The following NLRP11 variants were observed in gnomAD, a reference collection of about 807,000 sequenced individuals.
NLRP11 encodes NACHT, LRR and PYD domains-containing protein 11.
A neutral mutation model predicts 79.3 loss-of-function variants in NLRP11; 53 were observed. The observed-to-expected ratio is 0.67, with a 90% confidence interval of 0.54 to 0.84. The LOEUF (loss-of-function observed/expected upper bound fraction) is 0.84. Ranked by LOEUF, NLRP11 falls within the 40% of genes least tolerant of loss-of-function variation. The probability of loss-of-function intolerance (pLI) is 0.00; values close to 1 mark genes in which losing one functional copy is unlikely to be tolerated. For missense variants in NLRP11, 1,264 were observed against 1,255.0 expected, an observed-to-expected ratio of 1.01 and a Z score of -0.11; for synonymous variants, 518 against 462.6, an observed-to-expected ratio of 1.12 and a Z score of -1.54.
chr19:55,785,493 TCACACACACACA>T lies in NLRP11; in HGVS notation c.*120_*131del, dbSNP rs878891245. 2.8e-3 allele frequency: 1,172 copies of T among 424,460 alleles called. 5 individuals carry two copies. Among genetic ancestry groups the T allele is most frequent in the African/African-American group, 0.011 (512 of 46,908 alleles). 26.3% of individuals were successfully genotyped at this position (424,460 alleles called of 1,614,324 possible). A position where few individuals can be genotyped will look rare whatever the true frequency, so the allele number is the denominator to read the frequency against. The stretch of plus-strand genomic sequence containing the variant: ...TTTGAAGTGGTTGACTGGATCAAGG[TCACACACACACA>T]CACACACACACACACACACACACAC... On this transcript the variant is annotated 3_prime_UTR_variant, in exon 10 of 10. Transcript: ENST00000589093.
intron 9 of NLRP11, among the ~76,000 whole-genome samples, chr19:55,787,970 T>C (rs1989986379): frequency 6.6e-6 from 1 of 152,162 alleles, no homozygotes; most frequent in Admixed American, 6.5e-5. Flanking sequence ...GGATGACATC[T>C]TGGCTGCAGC....
intron 1 of NLRP11, among the ~76,000 whole-genome samples, chr19:55,829,025 A>G (rs1422451720): frequency 6.6e-6 from 1 of 152,190 alleles, no homozygotes; most frequent in Non-Finnish European, 1.5e-5. Context: ...ACACGTATAT[A>G]CAAAATTAGC....
At chr19:55,785,613 C>A (rs535635252) in exon 10 of NLRP11, 2 of 1,604,394 alleles carry the variant, frequency 1.2e-6, no homozygotes, top group East Asian at 4.5e-5. Flanking sequence ...ATACTGTTTA[C>A]GTACAACATG....
At chr19:55,830,446 G>C (rs1468663177) in intron 1 of NLRP11, among the ~76,000 whole-genome samples, 1 of 151,900 alleles carries the variant, frequency 6.6e-6, no homozygotes, top group Non-Finnish European at 1.5e-5. Context: ...GTTCTTTAAG[G>C]TATGATTTTT....
intron 7 of NLRP11, among the ~76,000 whole-genome samples, chr19:55,790,680 A>C (rs760260494): frequency 1.3e-5 from 2 of 152,208 alleles, no homozygotes; most frequent in Admixed American, 6.5e-5. Context: ...TTTAGTAGTT[A>C]TAAAAGTTGG....
Position 55,809,094 on chromosome 19 carries a change from T to C in NLRP11, c.1516A>G (p.Ile506Val). ...TGGTATCCAAAGGATGTCTCAAGAA[T>C]CTTTCTCCTGTTTGCATTTAGAAGA... is the stretch of plus-strand genomic sequence containing the variant. Residue 506 changes from isoleucine to valine, a missense_variant, in exon 3 of 10, where the codon ATT (isoleucine) becomes GTT (valine). By Grantham distance (29) the Ile-to-Val change is conservative (BLOSUM62 3). Transcript: ENST00000589093. The surrounding 1 kb of genome is among the most constrained non-coding windows in gnomAD (Gnocchi z 4.5). 2 of 1,613,866 alleles carry C rather than the reference T, an allele frequency of 1.2e-6. No individual in the cohort carries two copies. The highest frequency in any genetic ancestry group is 8.5e-7 in the Non-Finnish European group (1 of 1,179,914).
chr19:55,813,430 G>A (rs1980795181), intron 2 of NLRP11, among the ~76,000 whole-genome samples: 1 of 152,106 alleles, frequency 6.6e-6, no homozygotes, highest in Admixed American at 6.6e-5. Context: ...AGGCCCATCA[G>A]GCATCTACCA....
At position 55,831,528 on chromosome 19, in the gene NLRP11, C is replaced by T. The variant is rs777076070; in HGVS notation, c.-63+435G>A. 1.5e-4 allele frequency among the ~76,000 whole-genome samples: 23 copies of T among 152,202 alleles called. 1 individual carries two copies. Among genetic ancestry groups the T allele is most frequent in the South Asian group, 2.1e-4 (1 of 4,816 alleles). ...AGTGCGCTGAGATCACACCACTGCA[C>T]GCCAGCCTTGGCGACAGAGCGAGAC... On this transcript the variant is annotated intron_variant, in intron 1 of 9. Coordinates refer to ENST00000589093, the Ensembl canonical transcript of NLRP11.
chr19:55,803,665 G>A (rs927293054), intron 4 of NLRP11, among the ~76,000 whole-genome samples: 1 of 152,154 alleles, frequency 6.6e-6, no homozygotes, highest in Non-Finnish European at 1.5e-5. Flanking sequence ...TTTTCAGAAG[G>A]TGACATACAT....
At chr19:55,829,568 G>A (rs1241690213) in intron 1 of NLRP11, among the ~76,000 whole-genome samples, 1 of 149,858 alleles carries the variant, frequency 6.7e-6, no homozygotes, top group East Asian at 2.0e-4. Context: ...TCAGAAGGCT[G>A]AGGCAGGAGA....
At chr19:55,822,825 T>A (rs367775740) in intron 1 of NLRP11, among the ~76,000 whole-genome samples, 7 of 151,928 alleles carry the variant, frequency 4.6e-5, no homozygotes, top group East Asian at 1.9e-4. Flanking sequence ...AGGCGGCAGC[T>A]AGGCTGGGGG....
chr19:55,786,812 T>C (rs752890524), intron 9 of NLRP11, among the ~76,000 whole-genome samples: 2 of 152,150 alleles, frequency 1.3e-5, no homozygotes, highest in South Asian at 2.1e-4. Flanking sequence ...AAATACATTA[T>C]ACATTTGAAG....
At chr19:55,796,361 T>C in intron 5 of NLRP11, 111 bp from the exon 6 acceptor site, 1 of 814,904 alleles carries the variant, frequency 1.2e-6, no homozygotes, top group Non-Finnish European at 1.9e-6. Flanking sequence ...GATGTCTACT[T>C]GGAAATAAAT....
intron 2 of NLRP11, among the ~76,000 whole-genome samples, chr19:55,811,884 C>A (rs1306968380): frequency 6.6e-6 from 1 of 151,936 alleles, no homozygotes; most frequent in Non-Finnish European, 1.5e-5. Flanking sequence ...CCGTATCATA[C>A]ATAGTTTACA....
At chr19:55,801,928 C>A (rs1979521013) in intron 4 of NLRP11, among the ~76,000 whole-genome samples, 189 bp from the exon 5 acceptor site, 1 of 152,194 alleles carries the variant, frequency 6.6e-6, no homozygotes, top group Non-Finnish European at 1.5e-5. Context: ...AGCCTGTTGA[C>A]TTTGAAGTAA....
At chr19:55,789,543 C>T (rs1990113660) in intron 7 of NLRP11, 144 bp from the exon 8 acceptor site, 2 of 698,990 alleles carry the variant, frequency 2.9e-6, no homozygotes, top group Non-Finnish European at 2.4e-6. Context: ...TTAACATCTA[C>T]AGGTCACTTA....
In NLRP11 at chr19:55,809,374, G is replaced by C. The variant is rs1600189994; in HGVS notation, c.1236C>G (p.Phe412Leu). 4.3e-6 allele frequency: 7 copies of C among 1,614,156 alleles called. No individual in the cohort carries two copies. Among genetic ancestry groups the C allele is most frequent in the Non-Finnish European group, 5.9e-6 (7 of 1,180,042 alleles). Reference sequence around the variant, plus strand: ...CAACACATCTGAGGTCTTCACCACTGAAATTCAGGGTGCTCAGAAACAGTC... The same window carrying C: ...CAACACATCTGAGGTCTTCACCACTCAAATTCAGGGTGCTCAGAAACAGTC... Residue 412 changes from phenylalanine to leucine, a missense_variant, in exon 3 of 10, where the codon TTC (phenylalanine) becomes TTG (leucine). By Grantham distance (22) the Phe-to-Leu change is conservative. Transcript: ENST00000589093. This position sits in a 1 kb window ranked among gnomAD's most constrained non-coding sequence, Gnocchi z 4.5.
intron 4 of NLRP11, among the ~76,000 whole-genome samples, chr19:55,802,713 T>C (rs540473917): frequency 6.6e-6 from 1 of 152,174 alleles, no homozygotes; most frequent in Admixed American, 6.5e-5. Flanking sequence ...AGACAATCAA[T>C]CCTAAGCAAA....
exon 10 of NLRP11, chr19:55,785,673 C>T (rs1462496567): frequency 6.2e-7 from 1 of 1,614,038 alleles, no homozygotes; most frequent in South Asian, 1.1e-5. Flanking sequence ...TGGCTGCAGA[C>T]ATTCTGGGAA....
Sources: gnomAD v4.1 joint callset for allele counts (sites outside exome capture counted in the v4.1 genomes callset) on GRCh38, gnomAD v4.1.1 for gene constraint, Gnocchi (gnomAD v3.1) non-coding constraint, MANE v1.5 for transcripts, NCBI Gene and HGNC (gene_info 2026-07-23, HGNC 2026-07-21) for gene names.